Variants in DOCK8 observed in about 807,000 individuals in gnomAD.
DOCK8 encodes the protein dedicator of cytokinesis protein 8.
In DOCK8, 141 loss-of-function variants were observed where a neutral mutation model predicts 245.6. The ratio of observed to expected loss-of-function variants is 0.57; its 90% CI spans 0.50 to 0.66. The LOEUF (loss-of-function observed/expected upper bound fraction) is 0.66, where lower values mean the gene tolerates loss of function less well. Among genes scored for constraint, DOCK8 ranks in the 30% least tolerant of loss-of-function variants. The probability of loss-of-function intolerance (pLI) is 0.00; values close to 1 mark genes in which losing one functional copy is unlikely to be tolerated. For synonymous variants in DOCK8, 1,168 were observed against 970.2 expected (o/e 1.20, Z -3.79); for missense variants, 2,965 against 2,603.4 (o/e 1.14, Z -3.02).
At chr9:376,909 T>C in intron 19 of DOCK8, 68 bp from the exon 20 acceptor site, 1 of 1,371,796 alleles carries the variant, frequency 7.3e-7, no homozygotes, top group Non-Finnish European at 1.0e-6. Flanking sequence ...TATTCGATTG[T>C]GTTTGTGAAT....
chr9:264,166 A>G (rs1280773092), intron 1 of DOCK8, among the ~76,000 whole-genome samples: 2 of 152,162 alleles, frequency 1.3e-5, no homozygotes, highest in Admixed American at 6.5e-5. Flanking sequence ...TTAGGTGATT[A>G]TGCTGCTTCA....
chr9:386,274 G>A, intron 22 of DOCK8, 57 bp from the exon 23 acceptor site: 2 of 1,473,616 alleles, frequency 1.4e-6, no homozygotes, highest in East Asian at 2.3e-5. Context: ...ATTTCCAGAT[G>A]TCTGGCTTAC....
Position 269,596 on chromosome 9 carries a change from C to T in DOCK8, c.54-2031C>T, listed in dbSNP as rs1403882474. On this transcript the variant is annotated intron_variant, in intron 1 of 47. Coordinates refer to ENST00000432829, the MANE Select transcript of DOCK8 (RefSeq NM_203447.4). Reference sequence around the variant, plus strand: ...TTTGCAACAGAGTCTTGCTCCGTCACCCAGGCTGGAGTGCAGTGGAGCAAT... The same window carrying T: ...TTTGCAACAGAGTCTTGCTCCGTCATCCAGGCTGGAGTGCAGTGGAGCAAT... Among the ~76,000 whole-genome samples, 6 of 146,440 alleles carry T rather than the reference C, an allele frequency of 4.1e-5. No individual in the cohort carries two copies. In the East Asian group the frequency reaches 6.0e-4, roughly 15 times the overall value.
At chr9:349,406 A>C (rs1287947278) in intron 14 of DOCK8, among the ~76,000 whole-genome samples, 1 of 152,230 alleles carries the variant, frequency 6.6e-6, no homozygotes, top group Non-Finnish European at 1.5e-5. Context: ...TGGAAATATA[A>C]ATATCATGGC....
intron 44 of DOCK8, among the ~76,000 whole-genome samples, chr9:448,347 A>G (rs565162735): frequency 1.3e-5 from 2 of 152,254 alleles, no homozygotes; most frequent in South Asian, 4.1e-4. Context: ...GCCTCAAACG[A>G]TCCTCCTACC....
Position 352,975 on chromosome 9 carries a change from C to T in DOCK8, c.1679+12654C>T, listed in dbSNP as rs529153541. The stretch of plus-strand genomic sequence containing the variant: ...AAAATCTCATATGCCTGGCAATACT[C>T]GTCACCCTGTGAATAATGTTGATGC... On this transcript the variant is annotated intron_variant, in intron 14 of 47. Coordinates refer to ENST00000432829, the MANE Select transcript of DOCK8 (RefSeq NM_203447.4). 4.6e-5 allele frequency among the ~76,000 whole-genome samples: 7 copies of T among 152,188 alleles called. No individual in the cohort carries two copies. In the East Asian group the frequency reaches 5.8e-4, roughly 13 times the overall value.
rs771423027 is a variant in DOCK8 at position 372,191 on chromosome 9, C to T, written c.2014C>T (p.Pro672Ser). ...TTTACATCATCTGTTTCAGTGGCTG[C>T]CAATTCTCTTAAATGAACGTCTTCA... is the stretch of plus-strand genomic sequence containing the variant. ...VETLLGYSWL[P>S]ILLNERLQTG... The change falls in exon 18 of 48, where the codon CCA becomes TCA. Residue 672 changes from proline (P) to serine (S), a missense_variant. By Grantham distance (74) the Pro-to-Ser change is moderately conservative. Transcript: ENST00000432829. 6.2e-7 allele frequency: 1 copy of T among 1,613,658 alleles called. No homozygotes were observed. The highest frequency in any genetic ancestry group is 8.5e-7 in the Non-Finnish European group (1 of 1,179,910).
intron 45 of DOCK8, among the ~76,000 whole-genome samples, chr9:451,357 G>C (rs578184789): frequency 1.3e-5 from 2 of 150,076 alleles, no homozygotes; most frequent in Admixed American, 6.6e-5. Flanking sequence ...TGTATGGTGC[G>C]CACGCCTGTA....
At chr9:412,324 G>C (rs564329966) in intron 28 of DOCK8, among the ~76,000 whole-genome samples, 2 of 149,186 alleles carry the variant, frequency 1.3e-5, no homozygotes, top group Non-Finnish European at 3.0e-5. Context: ...AGAATTGCTT[G>C]ATCCCAGAAA....
chr9:409,707 A>G (rs10814813), intron 28 of DOCK8, among the ~76,000 whole-genome samples: 33,821 of 151,756 alleles, frequency 0.22, 4,143 homozygotes, highest in East Asian at 0.53. Context: ...CATTAGGTAT[A>G]TCTCCTAATG....
intron 2 of DOCK8, among the ~76,000 whole-genome samples, chr9:276,355 C>CA (rs1422055861): frequency 1.1e-4 from 17 of 152,294 alleles, no homozygotes; most frequent in African/African-American, 3.9e-4. Context: ...TGGTTTCTGT[C>CA]ATAAATCTGA....
chr9:398,063 G>A lies in DOCK8; in HGVS notation c.3121-1083G>A, dbSNP rs142477798. On this transcript the variant is annotated intron_variant, in intron 25 of 47. Transcript: ENST00000432829. ...ATTGAGAATGTGCATAGTACCAAGT[G>A]CTCAGGAGATTTTCATTCGGTTATT... 1.8e-4 allele frequency among the ~76,000 whole-genome samples: 27 copies of A among 152,336 alleles called. No individual in the cohort carries two copies. The South Asian group carries it at 3.9e-3, about 22-fold the overall frequency.
At chr9:333,408 T>C (rs565307484) in intron 10 of DOCK8, among the ~76,000 whole-genome samples, 125 of 152,292 alleles carry the variant, frequency 8.2e-4, no homozygotes, top group East Asian at 4.1e-3. Flanking sequence ...GAGACCATCC[T>C]GGCCAACACG....
At chr9:328,526 T>C (rs1469087071) in intron 9 of DOCK8, among the ~76,000 whole-genome samples, 1 of 152,180 alleles carries the variant, frequency 6.6e-6, no homozygotes, top group African/African-American at 2.4e-5. Context: ...TTGGCACATC[T>C]TGGGCACCCT....
chr9:258,882 G>C (rs2047847172), intron 1 of DOCK8, among the ~76,000 whole-genome samples: 2 of 151,978 alleles, frequency 1.3e-5, no homozygotes, highest in Non-Finnish European at 2.9e-5. Context: ...ACGGGCGTGA[G>C]CCACCATATC....
chr9:211,539 T>C (rs2046620136), upstream of DOCK8, among the ~76,000 whole-genome samples: 1 of 152,154 alleles, frequency 6.6e-6, no homozygotes. Flanking sequence ...TTTTGTTATC[T>C]AGGTATTAAT....
intron 14 of DOCK8, among the ~76,000 whole-genome samples, chr9:358,813 C>T (rs1412032501): frequency 6.6e-6 from 1 of 152,320 alleles, no homozygotes; most frequent in Middle Eastern, 3.4e-3. Context: ...CACGCCATTG[C>T]ACTCCAGCCT....
chr9:289,957 C>CTG (rs2048972022), intron 4 of DOCK8, among the ~76,000 whole-genome samples: 2 of 152,232 alleles, frequency 1.3e-5, no homozygotes, highest in Admixed American at 6.5e-5. Context: ...TAAAAATCCT[C>CTG]TGTGTTCCAC....
At chr9:221,321 C>G (rs897865578) in intron 1 of DOCK8, among the ~76,000 whole-genome samples, 1 of 152,154 alleles carries the variant, frequency 6.6e-6, no homozygotes, top group Non-Finnish European at 1.5e-5. Flanking sequence ...AGCCGGCCCT[C>G]TGCATCTGTG....
Sources: gnomAD v4.1 joint callset for allele counts (sites outside exome capture counted in the v4.1 genomes callset) on GRCh38, gnomAD v4.1.1 for gene constraint, MANE v1.5 for transcripts, NCBI Gene and HGNC (gene_info 2026-07-23, HGNC 2026-07-21) for gene names.